The following PHKA2 variants were observed in gnomAD, a reference collection of about 807,000 sequenced individuals.
PHKA2 encodes the protein phosphorylase b kinase regulatory subunit alpha, liver isoform.
A neutral mutation model predicts 102.0 loss-of-function variants in PHKA2; 31 were observed. The ratio of observed to expected loss-of-function variants is 0.30; its 90% CI spans 0.23 to 0.41. The LOEUF is 0.41. Among genes scored for constraint, PHKA2 ranks in the 10% least tolerant of loss-of-function variants. PHKA2 has a pLI of 1.00. For missense variants in PHKA2, 858 were observed against 1,023.1 expected (o/e 0.84, Z 2.20); for synonymous variants, 455 against 416.2 (o/e 1.09, Z -1.13).
At chrX:18,957,971 T>C (rs750444187) in intron 1 of PHKA2, among the ~76,000 whole-genome samples, 4 of 109,475 alleles carry the variant, frequency 3.7e-5, no homozygotes, top group Non-Finnish European at 7.6e-5. Flanking sequence ...GCAATTCTCC[T>C]GCCTCAGCCT....
Position 18,984,072 on chromosome X carries a change from C to T in PHKA2, c.-140G>A, listed in dbSNP as rs1363513760. The T allele has an allele frequency of 7.7e-6, 4 of 518,825 alleles. No individual in the cohort carries two copies. The highest frequency in any genetic ancestry group is 1.4e-5 in the Non-Finnish European group (4 of 292,936). The allele number at this position is 518,825 out of a possible 1,213,427, so 42.8% of individuals were successfully genotyped here. A position where few individuals can be genotyped will look rare whatever the true frequency, so the allele number is the denominator to read the frequency against. ...GGGATGGGACCGGGCCGGAGGAGGTCGAGACTTTTCTAAACGCTAGCCCCA... is the reference window on the plus strand; with the variant it reads ...GGGATGGGACCGGGCCGGAGGAGGTTGAGACTTTTCTAAACGCTAGCCCCA... On this transcript the variant is annotated 5_prime_UTR_variant, in exon 1 of 33. Transcript: ENST00000379942.
At chrX:18,912,634 C>A (rs1337547332) in intron 19 of PHKA2, among the ~76,000 whole-genome samples, 1 of 108,357 alleles carries the variant, frequency 9.2e-6, no homozygotes. Context: ...AATGGTAGGC[C>A]AGGCGTGGTG....
At chrX:18,903,368 C>T (rs751082752) in intron 26 of PHKA2, among the ~76,000 whole-genome samples, 2 of 112,393 alleles carry the variant, frequency 1.8e-5, no homozygotes, top group African/African-American at 6.5e-5. Flanking sequence ...GGCTCTGTCC[C>T]CAGTCCCGTG....
intron 17 of PHKA2, among the ~76,000 whole-genome samples, chrX:18,922,704 G>A (rs367756353): frequency 2.2e-4 from 24 of 110,531 alleles, no homozygotes; most frequent in African/African-American, 7.9e-4. Flanking sequence ...GGGGCGGGAG[G>A]AGGGGGAAGT....
intron 1 of PHKA2, among the ~76,000 whole-genome samples, chrX:18,972,546 CTTCTT>C (rs2049030383): frequency 8.9e-6 from 1 of 112,169 alleles, no homozygotes; most frequent in Admixed American, 9.5e-5. Context: ...TCATATTTGT[CTTCTT>C]TTATGTCCCT....
chrX:18,918,942 A>G (rs2048067133), intron 18 of PHKA2, 88 bp from the exon 19 acceptor site: 1 of 788,124 alleles, frequency 1.3e-6, no homozygotes, highest in Non-Finnish European at 2.0e-6. Context: ...AGCAAGCAGC[A>G]CTGAGTAGGC....
At chrX:18,920,250 T>C (rs1263627140) in intron 17 of PHKA2, 49 bp from the exon 18 acceptor site, 2 of 619,638 alleles carry the variant, frequency 3.2e-6, no homozygotes, top group Admixed American at 4.4e-5. Flanking sequence ...GTGGATAACC[T>C]TCCACTATGA....
At chrX:18,900,955 C>A (rs998575185) in intron 27 of PHKA2, among the ~76,000 whole-genome samples, 1 of 109,988 alleles carries the variant, frequency 9.1e-6, no homozygotes, top group Non-Finnish European at 1.9e-5. Context: ...CAGCACCCAG[C>A]ACGTTAAGAC....
chrX:18,961,926 T>G (rs1251474825), intron 1 of PHKA2, among the ~76,000 whole-genome samples: 3 of 108,411 alleles, frequency 2.8e-5, no homozygotes, highest in African/African-American at 1.0e-4. Flanking sequence ...AGGACGGAGG[T>G]GAAGTTTAAG....
intron 11 of PHKA2, among the ~76,000 whole-genome samples, chrX:18,933,860 AAGAC>A (rs2048351594): frequency 8.9e-6 from 1 of 111,908 alleles, no homozygotes; most frequent in Non-Finnish European, 1.9e-5. Context: ...TGGAGTTTAG[AAGAC>A]AGAAAGTCAC....
chrX:18,971,523 T>G (rs1050501350), intron 1 of PHKA2, among the ~76,000 whole-genome samples: 29 of 112,217 alleles, frequency 2.6e-4, no homozygotes, highest in African/African-American at 9.4e-4. Context: ...CTCTTCTCTT[T>G]GTAATGAAAA....
chrX:18,896,856 A>AG (rs2047567351), intron 30 of PHKA2, among the ~76,000 whole-genome samples: 7 of 111,848 alleles, frequency 6.3e-5, no homozygotes, highest in African/African-American at 1.6e-4. Context: ...TGTGGTTCTC[A>AG]ACTGGGTTGA....
chrX:18,917,140 G>T (rs1285340950), intron 19 of PHKA2, among the ~76,000 whole-genome samples: 1 of 111,004 alleles, frequency 9.0e-6, no homozygotes, highest in Non-Finnish European at 1.9e-5. Flanking sequence ...TTCCCAGATT[G>T]CTCAGATTAT....
At chrX:18,951,503 C>T (rs938916891) in intron 3 of PHKA2, among the ~76,000 whole-genome samples, 1 of 111,121 alleles carries the variant, frequency 9.0e-6, no homozygotes, top group Non-Finnish European at 1.9e-5. Context: ...GCAGGAGTGA[C>T]GGGTCATGAC....
At chrX:18,897,393 C>T (rs771380345) in intron 29 of PHKA2, 60 bp from the exon 30 acceptor site, 44 of 1,112,503 alleles carry the variant, frequency 4.0e-5, no homozygotes, top group African/African-American at 1.8e-4. Flanking sequence ...AGGGAAAGTG[C>T]GCCATCTCGA....
Position 18,893,472 on chromosome X carries a change from T to A in PHKA2, c.*13A>T, listed in dbSNP as rs371654294. Reference sequence around the variant, plus strand: ...GACAGATTGAGAGTGTGATCATGTTTCCAGGTGAGACCCTATTGCATCTGG... The same window carrying A: ...GACAGATTGAGAGTGTGATCATGTTACCAGGTGAGACCCTATTGCATCTGG... On this transcript the variant is annotated 3_prime_UTR_variant, in exon 33 of 33. Coordinates refer to ENST00000379942, the MANE Select transcript of PHKA2 (RefSeq NM_000292.3). 7.6e-5 allele frequency: 92 copies of A among 1,205,492 alleles called. No individual in the cohort carries two copies. Among genetic ancestry groups the A allele is most frequent in the Non-Finnish European group, 1.0e-4 (90 of 891,386 alleles).
At chrX:18,919,378 TTC>T (rs1327731411) in intron 18 of PHKA2, among the ~76,000 whole-genome samples, 1 of 111,850 alleles carries the variant, frequency 8.9e-6, no homozygotes, top group Non-Finnish European at 1.9e-5. Flanking sequence ...AGCAGTATGT[TTC>T]TGTCTTCAGA....
intron 12 of PHKA2, among the ~76,000 whole-genome samples, chrX:18,930,958 G>C (rs1905653300): frequency 9.0e-6 from 1 of 111,323 alleles, no homozygotes; most frequent in Non-Finnish European, 1.9e-5. Context: ...CCGGGGTCCA[G>C]CCGAAGCACT....
chrX:18,896,841 C>T (rs1029150213), intron 30 of PHKA2, among the ~76,000 whole-genome samples: 3 of 112,138 alleles, frequency 2.7e-5, no homozygotes, highest in African/African-American at 9.7e-5. Flanking sequence ...CCTTGTCTTA[C>T]TTGCTGTGGT....
Sources: gnomAD v4.1 joint callset for allele counts (sites outside exome capture counted in the v4.1 genomes callset) on GRCh38, gnomAD v4.1.1 for gene constraint, MANE v1.5 for transcripts, NCBI Gene and HGNC (gene_info 2026-07-23, HGNC 2026-07-21) for gene names.